Variants in DNTTIP1 observed in about 807,000 individuals in gnomAD.
DNTTIP1 encodes deoxynucleotidyltransferase terminal interacting protein 1, also known as deoxynucleotidyltransferase terminal-interacting protein 1.
DNTTIP1 carries 22 observed loss-of-function variants against 52.9 expected under a neutral mutation model. The observed-to-expected ratio is 0.42, with a 90% CI of 0.30 to 0.59. The LOEUF (loss-of-function observed/expected upper bound fraction) is 0.59, where lower values mean the gene tolerates loss of function less well. DNTTIP1 is among the 20% of genes least tolerant of loss of function. The pLI is 0.22. For synonymous variants in DNTTIP1, 136 were observed against 155.1 expected (o/e 0.88, Z 0.92); for missense variants, 286 against 435.5 (o/e 0.66, Z 3.06).
At chr20:45,806,453 T>A (rs995591156) in intron 10 of DNTTIP1, among the ~76,000 whole-genome samples, 4 of 152,030 alleles carry the variant, frequency 2.6e-5, no homozygotes, top group African/African-American at 9.7e-5. Flanking sequence ...GTCCCCACTG[T>A]TTGAGGGAAT....
chr20:45,810,900 G>C lies in DNTTIP1; in HGVS notation c.811G>C (p.Glu271Gln), dbSNP rs1288509300. The C allele has an allele frequency of 1.9e-6, 3 of 1,614,016 alleles. No individual in the cohort carries two copies. The highest frequency in any genetic ancestry group is 2.5e-6 in the Non-Finnish European group (3 of 1,180,026). ...CCTGCCTCAGGCCTACCTCCTCATC[G>C]AGGAGGACATCCGGGACCTTGCGGC... ...TGGKMAYLLI[E>Q]EDIRDLAASD... Residue 271 changes from glutamate to glutamine, a missense_variant, in exon 12 of 13, where the codon GAG becomes CAG. Physicochemically the swap from Glu to Gln is conservative, Grantham distance 29. This residue lies in a region of DNTTIP1 where 78 missense variants were observed against 169.0 expected (regional missense o/e 0.46). Transcript: ENST00000372622.
At position 45,796,677 on chromosome 20, in the gene DNTTIP1, A is replaced by G. The variant is rs140526801; in HGVS notation, c.372+1234A>G. The G allele has an allele frequency of 1.1e-3, 447 of 407,152 alleles. 4 individuals are homozygous for G. Among genetic ancestry groups the G allele is most frequent in the African/African-American group, 8.0e-3 (387 of 48,640 alleles). 25.2% of individuals were successfully genotyped at this position (407,152 alleles called of 1,614,324 possible). On this transcript the variant is annotated intron_variant, in intron 4 of 12. Transcript: ENST00000372622. Reference sequence around the variant, plus strand: ...AGGGAGACATCAGGAAAGGTCGCCAATAGTCGCTGGCTCACTTTCTCACCT... The same window carrying G: ...AGGGAGACATCAGGAAAGGTCGCCAGTAGTCGCTGGCTCACTTTCTCACCT...
intron 3 of DNTTIP1, among the ~76,000 whole-genome samples, chr20:45,794,823 CAG>C (rs1844209772): frequency 7.2e-6 from 1 of 139,244 alleles, no homozygotes; most frequent in African/African-American, 2.6e-5. Context: ...TTTTTTGAGA[CAG>C]AGTCTCACTC....
At chr20:45,797,312 C>T (rs1485002611) in intron 4 of DNTTIP1, among the ~76,000 whole-genome samples, 1 of 152,126 alleles carries the variant, frequency 6.6e-6, no homozygotes, top group Non-Finnish European at 1.5e-5. Flanking sequence ...CTTCCTTACA[C>T]CTTATACAAA....
At chr20:45,795,666 G>A (rs967446641) in intron 4 of DNTTIP1, among the ~76,000 whole-genome samples, 1 of 152,142 alleles carries the variant, frequency 6.6e-6, no homozygotes, top group African/African-American at 2.4e-5. Flanking sequence ...GGGCATGGTG[G>A]TGCACGCCTA....
At chr20:45,804,259 GCCT>G (rs1022947712) in intron 8 of DNTTIP1, among the ~76,000 whole-genome samples, 33 of 151,970 alleles carry the variant, frequency 2.2e-4, no homozygotes, top group African/African-American at 7.7e-4. Flanking sequence ...AATCATCTTT[GCCT>G]CCTCCTCCTC....
intron 4 of DNTTIP1, among the ~76,000 whole-genome samples, chr20:45,798,834 A>G (rs781453263): frequency 4.6e-5 from 7 of 152,224 alleles, no homozygotes; most frequent in African/African-American, 1.7e-4. Context: ...TATGACTCTT[A>G]GTATGTGTAC....
chr20:45,809,318 A>T lies in DNTTIP1; in HGVS notation c.795+133A>T. 2 of 750,936 alleles carry T rather than the reference A, an allele frequency of 2.7e-6. No individual in the cohort carries two copies. Among genetic ancestry groups the T allele is most frequent in the Non-Finnish European group, 4.5e-6 (2 of 440,504 alleles). 46.5% of individuals were successfully genotyped at this position (750,936 alleles called of 1,614,324 possible). A position where few individuals can be genotyped will look rare whatever the true frequency, so the allele number is the denominator to read the frequency against. ...CAATGTGTGAGAAGAGAGACTTATAAGGCCTATTTCTTCATGCTGAAGAGC... is the reference window on the plus strand; with the variant it reads ...CAATGTGTGAGAAGAGAGACTTATATGGCCTATTTCTTCATGCTGAAGAGC... On this transcript the variant is annotated intron_variant, in intron 11 of 12. Coordinates refer to ENST00000372622, the MANE Select transcript of DNTTIP1 (RefSeq NM_052951.3). The surrounding 1 kb of genome is among the most constrained non-coding windows in gnomAD (Gnocchi z 4.2).
chr20:45,792,703 C>T lies in DNTTIP1; in HGVS notation c.132C>T (p.His44=). The T allele has an allele frequency of 1.9e-6, 3 of 1,612,390 alleles. No individual in the cohort carries two copies. The highest frequency in any genetic ancestry group is 2.5e-6 in the Non-Finnish European group (3 of 1,179,264). Residue 44 remains histidine (H), a synonymous_variant, in exon 2 of 13, where the codon CAC becomes CAT. Coordinates refer to ENST00000372622, the MANE Select transcript of DNTTIP1 (RefSeq NM_052951.3). ...ACCCTTGGAACATAATGATAAAGCA[C>T]CGGCAGGTGCAGCGGAGGGGCCGCC... ...LTNPWNIMIK[H]RQVQRRGRRS...
At chr20:45,803,166 T>G in intron 7 of DNTTIP1, 167 bp from the exon 8 acceptor site, 1 of 635,006 alleles carries the variant, frequency 1.6e-6, no homozygotes, top group Non-Finnish European at 2.8e-6. Flanking sequence ...TGGCTTCTAG[T>G]CCAGTGCTTT....
intron 2 of DNTTIP1, among the ~76,000 whole-genome samples, chr20:45,793,656 C>T (rs538605302): frequency 6.6e-6 from 1 of 152,114 alleles, no homozygotes; most frequent in Admixed American, 6.5e-5. Context: ...GCCAAAACCA[C>T]GCCACTGCAC....
chr20:45,800,434 G>A (rs1264997053), intron 4 of DNTTIP1, among the ~76,000 whole-genome samples: 1 of 151,632 alleles, frequency 6.6e-6, no homozygotes, highest in East Asian at 1.9e-4. Flanking sequence ...AGCACTTTGG[G>A]AGGCCAAGGC....
intron 4 of DNTTIP1, among the ~76,000 whole-genome samples, chr20:45,795,733 AGGTTGC>A (rs1353716270): frequency 6.6e-6 from 1 of 152,178 alleles, no homozygotes; most frequent in Non-Finnish European, 1.5e-5. Flanking sequence ...TGGGAGACAG[AGGTTGC>A]GGTGAGCCGA....
At chr20:45,794,786 T>TAA (rs776136479) in intron 3 of DNTTIP1, among the ~76,000 whole-genome samples, 1,493 of 124,306 alleles carry the variant, frequency 0.012, 18 homozygotes, top group Non-Finnish European at 0.018. Flanking sequence ...TCATCTCTAC[T>TAA]AAAAAAAAAA....
At chr20:45,810,858 GAC>G in intron 11 of DNTTIP1, 25 bp from the exon 12 acceptor site, 1 of 1,611,120 alleles carries the variant, frequency 6.2e-7, no homozygotes, top group Non-Finnish European at 8.5e-7. Flanking sequence ...ATCAGGCAAT[GAC>G]CACTCTCCCT....
intron 4 of DNTTIP1, among the ~76,000 whole-genome samples, chr20:45,800,686 A>AG (rs1981401682): frequency 1.2e-4 from 7 of 57,642 alleles, no homozygotes; most frequent in African/African-American, 6.4e-4. Context: ...ATTTAAAAAA[A>AG]AAAAAAAAAT....
intron 6 of DNTTIP1, 31 bp from the exon 7 acceptor site, chr20:45,801,968 T>G (rs1981486197): frequency 1.2e-6 from 2 of 1,613,124 alleles, no homozygotes; most frequent in African/African-American, 2.7e-5. Flanking sequence ...AACCACAGGG[T>G]CAGACCTCTG....
intron 4 of DNTTIP1, among the ~76,000 whole-genome samples, chr20:45,796,804 G>C (rs1981254934): frequency 6.6e-6 from 1 of 152,092 alleles, no homozygotes; most frequent in African/African-American, 2.4e-5. Flanking sequence ...CAAACCCTCT[G>C]GTCCCTAACT....
chr20:45,793,171 A>T (rs1339532744), intron 2 of DNTTIP1, among the ~76,000 whole-genome samples: 1 of 152,260 alleles, frequency 6.6e-6, no homozygotes, highest in African/African-American at 2.4e-5. Context: ...GAGAGAGCAC[A>T]AGGTGGGCCT....
Sources: allele counts gnomAD v4.1 joint callset (sites outside exome capture counted in the v4.1 genomes callset), GRCh38; gene constraint gnomAD v4.1.1; regional missense constraint gnomAD v4.1.1; non-coding constraint Gnocchi (gnomAD v3.1); transcripts MANE v1.5; gene names NCBI Gene and HGNC (gene_info 2026-07-23, HGNC 2026-07-21).